SNX13: variants seen among roughly 807,000 people sequenced by gnomAD.
SNX13 encodes sorting nexin 13, also known as sorting nexin-13.
SNX13 carries 45 observed loss-of-function variants against 133.6 expected under a neutral mutation model. The ratio of observed to expected loss-of-function variants is 0.34; its 90% CI spans 0.27 to 0.43. The LOEUF (loss-of-function observed/expected upper bound fraction) is 0.43, where lower values mean the gene tolerates loss of function less well. Ranked by LOEUF, SNX13 falls within the 20% of genes least tolerant of loss-of-function variation. The pLI, the probability that SNX13 is intolerant of heterozygous loss-of-function variation, is 1.00. For synonymous variants in SNX13, 414 were observed against 373.9 expected, an observed-to-expected ratio of 1.11 and a Z score of -1.24; for missense variants, 1,032 against 1,145.1, an observed-to-expected ratio of 0.90 and a Z score of 1.43.
intron 1 of SNX13, among the ~76,000 whole-genome samples, chr7:17,923,406 A>G (rs1800353147): frequency 6.6e-6 from 1 of 152,228 alleles, no homozygotes; most frequent in African/African-American, 2.4e-5. Context: ...AAAAGGTGTA[A>G]CATTAGGAAG....
At chr7:17,933,458 G>C (rs547595522) in intron 1 of SNX13, among the ~76,000 whole-genome samples, 1 of 151,588 alleles carries the variant, frequency 6.6e-6, no homozygotes, top group African/African-American at 2.4e-5. Context: ...CAAAAGAATC[G>C]CTTGAACCCG....
chr7:17,928,589 A>C lies in SNX13; in HGVS notation c.12+11695T>G, dbSNP rs189277748. Among the ~76,000 whole-genome samples, 7 of 152,312 alleles carry C rather than the reference A, an allele frequency of 4.6e-5. No homozygotes were observed. The South Asian group carries it at 1.5e-3, about 32-fold the overall frequency. ...AAAATTCTGCACATAATATCTAAAT[A>C]ATCAAACACAACTGATTAACTTAGA... On this transcript the variant is annotated intron_variant, in intron 1 of 25. Transcript: ENST00000428135.
intron 13 of SNX13, among the ~76,000 whole-genome samples, chr7:17,839,519 T>C (rs1482533436): frequency 6.6e-6 from 1 of 151,970 alleles, no homozygotes; most frequent in Non-Finnish European, 1.5e-5. Context: ...TTGTTTACTT[T>C]TGCATGGTTT....
chr7:17,830,331 T>G, intron 15 of SNX13: 8 of 984,414 alleles, frequency 8.1e-6, no homozygotes, highest in Non-Finnish European at 9.6e-6. Context: ...AATGTTTTTA[T>G]TCTCATGGTA....
intron 16 of SNX13, among the ~76,000 whole-genome samples, chr7:17,828,099 A>C (rs1404636878): frequency 2.0e-5 from 3 of 151,874 alleles, no homozygotes; most frequent in East Asian, 3.9e-4. Context: ...GGCTTTGTGG[A>C]GAAATGTCTT....
At chr7:17,800,981 G>C (rs1385967551) in intron 22 of SNX13, among the ~76,000 whole-genome samples, 1 of 139,598 alleles carries the variant, frequency 7.2e-6, no homozygotes, top group Non-Finnish European at 1.6e-5. Context: ...ATTTGAAAAA[G>C]TACTTGGCAG....
intron 11 of SNX13, among the ~76,000 whole-genome samples, chr7:17,846,174 T>C (rs1472831101): frequency 2.6e-5 from 4 of 152,060 alleles, no homozygotes; most frequent in African/African-American, 7.2e-5. Flanking sequence ...GTGTTTTTTT[T>C]CCAGACTCTC....
At chr7:17,829,775 A>G (rs11976744) in intron 16 of SNX13, among the ~76,000 whole-genome samples, 5,619 of 151,404 alleles carry the variant, frequency 0.037, 338 homozygotes, top group African/African-American at 0.13. Context: ...AAAAGCAATT[A>G]TGCAGGTATA....
At chr7:17,853,639 T>C (rs1431167067) in intron 9 of SNX13, among the ~76,000 whole-genome samples, 1 of 152,176 alleles carries the variant, frequency 6.6e-6, no homozygotes, top group Non-Finnish European at 1.5e-5. Flanking sequence ...CTCAGATAAT[T>C]TGTCACAAGA....
Position 17,894,369 on chromosome 7 carries a change from T to C in SNX13, c.126-935A>G, listed in dbSNP as rs138497241. Among the ~76,000 whole-genome samples, 41 of 151,684 alleles carry C rather than the reference T, an allele frequency of 2.7e-4. No individual in the cohort carries two copies. In the East Asian group the frequency reaches 7.4e-3, roughly 27 times the overall value. ...GCTAATAACCATGGATAAAGACAAA[T>C]GAATCTAAATATGTAGCTAAATGAC... On this transcript the variant is annotated intron_variant, in intron 2 of 25. Transcript: ENST00000428135.
At chr7:17,931,014 C>G (rs1179697429) in intron 1 of SNX13, among the ~76,000 whole-genome samples, 1 of 152,186 alleles carries the variant, frequency 6.6e-6, no homozygotes, top group African/African-American at 2.4e-5. Flanking sequence ...AAACCGGTCC[C>G]TTGGTGCCAA....
At chr7:17,871,155 GCCA>G in intron 8 of SNX13, among the ~76,000 whole-genome samples, 1 of 152,142 alleles carries the variant, frequency 6.6e-6, no homozygotes, top group South Asian at 2.1e-4. Context: ...ACAGGCGCCT[GCCA>G]CCATGCCCAG....
intron 7 of SNX13, among the ~76,000 whole-genome samples, chr7:17,874,717 T>C (rs1199690435): frequency 6.6e-6 from 1 of 152,246 alleles, no homozygotes; most frequent in Non-Finnish European, 1.5e-5. Context: ...AGTGATCCTC[T>C]TAATTTAAAA....
At chr7:17,940,201 C>A (rs1802665528) in intron 1 of SNX13, 83 bp downstream of exon 1, 1 of 1,535,740 alleles carries the variant, frequency 6.5e-7, no homozygotes, top group South Asian at 1.2e-5. Context: ...GGCCCACCTT[C>A]CGTACAGATG....
At position 17,821,496 on chromosome 7, in the gene SNX13, A is replaced by C. The variant is rs1470255489; in HGVS notation, c.1845+13T>G. 6.3e-7 allele frequency: 1 copy of C among 1,593,786 alleles called. No homozygotes were observed. The highest frequency in any genetic ancestry group is 8.6e-7 in the Non-Finnish European group (1 of 1,169,172). On this transcript the variant is annotated intron_variant, in intron 18 of 25. Transcript: ENST00000428135. The stretch of plus-strand genomic sequence containing the variant: ...AACAACATAAAGTACACAAGTTTTT[A>C]AAACTTCATTACCTGTTCAGTGATT...
At chr7:17,867,793 CA>C (rs1274757849) in intron 9 of SNX13, among the ~76,000 whole-genome samples, 1 of 151,918 alleles carries the variant, frequency 6.6e-6, no homozygotes, top group African/African-American at 2.4e-5. Context: ...AAGTAGGTAT[CA>C]AAGTATTCCC....
At position 17,799,178 on chromosome 7, in the gene SNX13, A is replaced by G. The variant is rs1347838504; in HGVS notation, c.2299-24T>C. ...ACCTGACAAAATATAAGAAATAAGA[A>G]TAAGTTTGAGTTAGCTATCTACTAT... On this transcript the variant is annotated intron_variant, in intron 22 of 25. Transcript: ENST00000428135. 1.9e-6 allele frequency: 3 copies of G among 1,571,826 alleles called. No individual in the cohort carries two copies. The African/African-American group carries it at 4.1e-5, about 22-fold the overall frequency.
chr7:17,851,466 C>G (rs1583476222), intron 9 of SNX13, among the ~76,000 whole-genome samples: 3 of 152,094 alleles, frequency 2.0e-5, no homozygotes, highest in Admixed American at 2.0e-4. Context: ...GTTAATAAGA[C>G]AAGTGAAATA....
chr7:17,853,167 C>CT (rs1181144383), intron 9 of SNX13, among the ~76,000 whole-genome samples: 6 of 151,956 alleles, frequency 3.9e-5, no homozygotes, highest in Admixed American at 6.6e-5. Context: ...GTGTAGGTTT[C>CT]TTTTTTTTCA....
Sources: allele counts gnomAD v4.1 joint callset (sites outside exome capture counted in the v4.1 genomes callset), GRCh38; gene constraint gnomAD v4.1.1; transcripts MANE v1.5; gene names NCBI Gene and HGNC (gene_info 2026-07-23, HGNC 2026-07-21).